Variants in SOX30 observed in about 807,000 individuals in gnomAD.
SOX30 encodes SRY-box transcription factor 30, also known as transcription factor SOX-30.
In SOX30, 17 loss-of-function variants were observed where a neutral mutation model predicts 58.6. The observed-to-expected ratio is 0.29, with a 90% CI of 0.20 to 0.44. SOX30 has a LOEUF of 0.44. Among genes scored for constraint, SOX30 ranks in the 20% least tolerant of loss-of-function variants. The pLI is 1.00. For synonymous variants in SOX30, 421 were observed against 400.2 expected, an observed-to-expected ratio of 1.05 and a Z score of -0.62; for missense variants, 951 against 965.8, an observed-to-expected ratio of 0.98 and a Z score of 0.20.
intron 2 of SOX30, among the ~76,000 whole-genome samples, chr5:157,660,814 G>A (rs1376711519): frequency 6.6e-6 from 1 of 151,962 alleles, no homozygotes; most frequent in Non-Finnish European, 1.5e-5. Context: ...TAAATTTTAG[G>A]TTCATCATAT....
intron 4 of SOX30, among the ~76,000 whole-genome samples, chr5:157,627,138 C>T (rs1385468506): frequency 5.3e-5 from 8 of 152,168 alleles, no homozygotes; most frequent in South Asian, 2.1e-4. Context: ...CTGAGGCGGG[C>T]GGAACATGAG....
At position 157,652,098 on chromosome 5, in the gene SOX30, G is replaced by T. The variant is rs544566741; in HGVS notation, c.-20C>A. 3.0e-4 allele frequency: 425 copies of T among 1,394,696 alleles called. No individual in the cohort carries two copies. Among genetic ancestry groups the T allele is most frequent in the Non-Finnish European group, 3.8e-4 (411 of 1,082,094 alleles). 86.4% of individuals were successfully genotyped at this position (1,394,696 alleles called of 1,614,324 possible). A position where few individuals can be genotyped will look rare whatever the true frequency, so the allele number is the denominator to read the frequency against. On this transcript the variant is annotated 5_prime_UTR_variant, in exon 1 of 5. Transcript: ENST00000265007. ...CTCCATGGGGGAGGGGGACGCCCCG[G>T]CCAGGATTGTGAGCTCAGCCGTTTG...
chr5:157,647,260 T>C (rs1759216104), intron 2 of SOX30, among the ~76,000 whole-genome samples: 1 of 151,996 alleles, frequency 6.6e-6, no homozygotes, highest in East Asian at 1.9e-4. Flanking sequence ...ACGGGGTTTC[T>C]CCGTGTTGGC....
In SOX30 at chr5:157,651,666, T is replaced by C. The variant is rs1321258298; in HGVS notation, c.413A>G (p.Lys138Arg). Residue 138 changes from lysine to arginine, a missense_variant, in exon 1 of 5, where the codon AAG (lysine) becomes AGG (arginine). Coordinates refer to ENST00000265007, the MANE Select transcript of SOX30 (RefSeq NM_178424.2). The part of the protein sequence containing the change: ...VQPLALHVKA[K>R]KQKLGPSLDQ... ...CAGGCTGGGCCCCAGCTTCTGCTTC[T>C]TGGCCTTGACATGCAGCGCCAGGGG... The C allele has an allele frequency of 9.3e-6, 15 of 1,610,538 alleles. No individual in the cohort carries two copies. The highest frequency in any genetic ancestry group is 1.1e-5 in the South Asian group (1 of 90,826).
chr5:157,664,536 A>C (rs1317562847), intron 2 of SOX30, among the ~76,000 whole-genome samples: 1 of 152,282 alleles, frequency 6.6e-6, no homozygotes, highest in East Asian at 1.9e-4. Flanking sequence ...AGGCGTGGGC[A>C]AGGACTTCAT....
At chr5:157,629,485 G>C (rs1758737967) in intron 4 of SOX30, among the ~76,000 whole-genome samples, 1 of 152,082 alleles carries the variant, frequency 6.6e-6, no homozygotes, top group African/African-American at 2.4e-5. Flanking sequence ...TGACTATTTT[G>C]GTGTGGTAAA....
At chr5:157,627,855 G>C (rs1471947478) in intron 4 of SOX30, among the ~76,000 whole-genome samples, 1 of 151,866 alleles carries the variant, frequency 6.6e-6, no homozygotes, top group Non-Finnish European at 1.5e-5. Context: ...TTAGCCAGGC[G>C]TGGTGGCGGG....
At chr5:157,626,928 G>C (rs925477735) in intron 4 of SOX30, among the ~76,000 whole-genome samples, 1 of 152,222 alleles carries the variant, frequency 6.6e-6, no homozygotes, top group African/African-American at 2.4e-5. Flanking sequence ...ATACTCACCA[G>C]CACTATTATC....
upstream of SOX30, among the ~76,000 whole-genome samples, chr5:157,654,164 CAA>C (rs1168643558): frequency 1.5e-3 from 119 of 78,600 alleles, no homozygotes; most frequent in African/African-American, 3.7e-3. Context: ...GACCCTGTCT[CAA>C]AAAAAAAAAA....
intron 4 of SOX30, among the ~76,000 whole-genome samples, chr5:157,627,388 C>A (rs1046904088): frequency 6.6e-6 from 1 of 151,822 alleles, no homozygotes; most frequent in East Asian, 1.9e-4. Flanking sequence ...AACAAAAAAA[C>A]CCACAGAATT....
intron 2 of SOX30, among the ~76,000 whole-genome samples, chr5:157,647,595 C>A (rs1178801739): frequency 6.6e-6 from 1 of 152,114 alleles, no homozygotes; most frequent in South Asian, 2.1e-4. Context: ...CACTCTGCCG[C>A]CCAGGCTGGA....
Position 157,626,101 on chromosome 5 carries a change from C to G in SOX30, c.*239G>C, listed in dbSNP as rs962228295. ...AAAGTAATAATAATACATGTTGATG[C>G]AAATTTCAGCCATTAAAATTAAACT... On this transcript the variant is annotated 3_prime_UTR_variant, in exon 5 of 5. Coordinates refer to ENST00000265007, the MANE Select transcript of SOX30 (RefSeq NM_178424.2). 3 of 403,128 alleles carry G rather than the reference C, an allele frequency of 7.4e-6. No homozygotes were observed. In the South Asian group the frequency reaches 1.5e-4, roughly 21 times the overall value. The allele number at this position is 403,128 out of a possible 1,614,324, so 25.0% of individuals were successfully genotyped here. A position where few individuals can be genotyped will look rare whatever the true frequency, so the allele number is the denominator to read the frequency against.
chr5:157,627,467 G>T (rs568132310), intron 4 of SOX30, among the ~76,000 whole-genome samples: 8 of 152,090 alleles, frequency 5.3e-5, no homozygotes, highest in African/African-American at 1.9e-4. Context: ...GCTCATGTTG[G>T]GGGGGAAATG....
intron 3 of SOX30, among the ~76,000 whole-genome samples, chr5:157,641,478 T>C (rs1018277052): frequency 3.9e-5 from 6 of 152,094 alleles, no homozygotes; most frequent in Non-Finnish European, 8.8e-5. Flanking sequence ...CCGGGCTTGG[T>C]GGCATGCACC....
intron 4 of SOX30, among the ~76,000 whole-genome samples, chr5:157,635,752 T>C (rs1426983411): frequency 6.6e-6 from 1 of 152,242 alleles, no homozygotes; most frequent in Non-Finnish European, 1.5e-5. Flanking sequence ...ATAAATAAGA[T>C]AGACTTCTAT....
chr5:157,658,256 A>G (rs1321724323), intron 2 of SOX30, among the ~76,000 whole-genome samples: 1 of 152,258 alleles, frequency 6.6e-6, no homozygotes, highest in Non-Finnish European at 1.5e-5. Flanking sequence ...CAGGCCAATT[A>G]TAGTAAAGCA....
At chr5:157,638,929 GTC>G (rs1217326717) in intron 3 of SOX30, among the ~76,000 whole-genome samples, 2 of 151,644 alleles carry the variant, frequency 1.3e-5, no homozygotes, top group African/African-American at 2.4e-5. Context: ...TACATTTTTT[GTC>G]TCTCTCTCTC....
rs756152143 is a variant in SOX30 at position 157,648,856 on chromosome 5, A to G, written c.1008T>C (p.His336=). Residue 336 remains histidine (H), a synonymous_variant, in exon 2 of 5, where the codon CAT becomes CAC. Coordinates refer to ENST00000265007, the MANE Select transcript of SOX30 (RefSeq NM_178424.2). ...TAAATGCGTTCATGGGTCGCTTCACATGACCATTTCTGTCCTTACTGAAGG... is the reference window on the plus strand; with the variant it reads ...TAAATGCGTTCATGGGTCGCTTCACGTGACCATTTCTGTCCTTACTGAAGG... The part of the protein sequence containing the change: ...DTPFSKDRNG[H]VKRPMNAFMV... The G allele has an allele frequency of 3.1e-6, 5 of 1,611,214 alleles. No homozygotes were observed. The highest frequency in any genetic ancestry group is 4.5e-5 in the East Asian group (2 of 44,818).
chr5:157,626,593 T>C lies in SOX30; in HGVS notation c.2009A>G (p.Tyr670Cys), dbSNP rs755076952. Residue 670 changes from tyrosine (Y) to cysteine (C), a missense_variant, in exon 5 of 5, where the codon TAT (tyrosine) becomes TGT (cysteine). Physicochemically the swap from Tyr to Cys is radical, Grantham distance 194. Transcript: ENST00000265007. ...TTCACTTGAGTAGTCTCTAAAAGAA[T>C]AGTCTCTATTTAAAGTTGAAAAGAT... ...EGIFSTLNRD[Y>C]SFRDYSSECT... 1.7e-5 allele frequency: 28 copies of C among 1,614,112 alleles called. No individual in the cohort carries two copies. Among genetic ancestry groups the C allele is most frequent in the Middle Eastern group, 1.6e-4 (1 of 6,084 alleles).
Sources: allele counts gnomAD v4.1 joint callset (sites outside exome capture counted in the v4.1 genomes callset), GRCh38; gene constraint gnomAD v4.1.1; transcripts MANE v1.5; gene names NCBI Gene and HGNC (gene_info 2026-07-23, HGNC 2026-07-21).